ARHGEF11: variants seen among roughly 807,000 people sequenced by gnomAD.
ARHGEF11 encodes Rho guanine exchange factor (GEF) 11.
ARHGEF11 carries 55 observed loss-of-function variants against 193.7 expected under a neutral mutation model. The observed-to-expected ratio is 0.28, with a 90% CI of 0.23 to 0.36. ARHGEF11 has a LOEUF of 0.36. Ranked by LOEUF, ARHGEF11 falls within the 10% of genes least tolerant of loss-of-function variation. The pLI is 1.00. For missense variants in ARHGEF11, 1,723 were observed against 2,005.6 expected (o/e 0.86, Z 2.69); for synonymous variants, 693 against 768.0 (o/e 0.90, Z 1.62).
chr1:157,018,506 G>T (rs11264601), intron 1 of ARHGEF11, among the ~76,000 whole-genome samples: 7 of 151,944 alleles, frequency 4.6e-5, no homozygotes, highest in African/African-American at 1.7e-4. Context: ...TTAGCTGGGC[G>T]TGGTGTCGGG....
intron 34 of ARHGEF11, 124 bp downstream of exon 34, chr1:156,941,740 C>CAA (rs1657001892): frequency 7.1e-7 from 1 of 1,406,198 alleles, no homozygotes; most frequent in Non-Finnish European, 9.6e-7. Flanking sequence ...TTGGAGCTGT[C>CAA]TGCTCCCTGC....
intron 8 of ARHGEF11, 69 bp from the exon 9 acceptor site, chr1:156,970,112 A>G (rs1339425259): frequency 2.2e-6 from 3 of 1,392,704 alleles, no homozygotes; most frequent in Non-Finnish European, 3.0e-6. Context: ...TCTTTCACCA[A>G]TCAGTGCCTT....
intron 1 of ARHGEF11, among the ~76,000 whole-genome samples, chr1:157,039,213 T>C (rs1336511372): frequency 6.6e-6 from 1 of 152,192 alleles, no homozygotes; most frequent in Non-Finnish European, 1.5e-5. Context: ...CAATGATTTC[T>C]GAAAAACCAT....
At chr1:157,021,295 G>A (rs1334530153) in intron 1 of ARHGEF11, among the ~76,000 whole-genome samples, 1 of 152,174 alleles carries the variant, frequency 6.6e-6, no homozygotes, top group Non-Finnish European at 1.5e-5. Context: ...TATCAAGTAT[G>A]TGTCAAGTAT....
intron 1 of ARHGEF11, among the ~76,000 whole-genome samples, chr1:156,996,772 C>CAAAAAAAAAA (rs66730438): frequency 7.8e-5 from 3 of 38,642 alleles, no homozygotes; most frequent in Non-Finnish European, 1.1e-4. Context: ...GACTCTGTCT[C>CAAAAAAAAAA]AAAAAAAAAA....
intron 7 of ARHGEF11, among the ~76,000 whole-genome samples, chr1:156,972,928 G>A (rs947474692): frequency 2.0e-5 from 3 of 152,102 alleles, no homozygotes; most frequent in Non-Finnish European, 4.4e-5. Flanking sequence ...CCTACAAAAT[G>A]TTCGAGTTTC....
chr1:157,010,856 A>G (rs981624864), intron 1 of ARHGEF11, among the ~76,000 whole-genome samples: 3 of 152,238 alleles, frequency 2.0e-5, no homozygotes, highest in African/African-American at 7.2e-5. Context: ...AAAACTATAA[A>G]ATATCACGGA....
At chr1:156,941,324 C>T (rs772565519) in intron 35 of ARHGEF11, 48 bp downstream of exon 35, 1 of 1,600,384 alleles carries the variant, frequency 6.2e-7, no homozygotes, top group Non-Finnish European at 8.6e-7. Flanking sequence ...CCTGTGCCTA[C>T]AGAAAAAGGC....
At chr1:156,976,884 A>C in intron 7 of ARHGEF11, 99 bp downstream of exon 7, 1 of 1,073,984 alleles carries the variant, frequency 9.3e-7, no homozygotes, top group South Asian at 1.3e-5. Context: ...CTGTGATAGG[A>C]TATTGCCTGT....
At chr1:157,003,690 T>A (rs1372290910) in intron 1 of ARHGEF11, among the ~76,000 whole-genome samples, 1 of 152,226 alleles carries the variant, frequency 6.6e-6, no homozygotes, top group African/African-American at 2.4e-5. Flanking sequence ...GCTCTGAGTG[T>A]TTCCTGACAC....
At chr1:157,034,650 C>T (rs1186695678) in intron 1 of ARHGEF11, among the ~76,000 whole-genome samples, 2 of 152,156 alleles carry the variant, frequency 1.3e-5, no homozygotes, top group Non-Finnish European at 2.9e-5. Flanking sequence ...AGGGAGTATA[C>T]CGTGTCTAAA....
chr1:156,965,326 G>C (rs1661539056), intron 11 of ARHGEF11, among the ~76,000 whole-genome samples: 1 of 152,166 alleles, frequency 6.6e-6, no homozygotes, highest in Admixed American at 6.5e-5. Flanking sequence ...GTTCTACAAA[G>C]ATAGGGGTAT....
Position 156,958,852 on chromosome 1 carries a change from T to C in ARHGEF11, c.1392A>G (p.Thr464=). The part of the protein sequence containing the change: ...EQIHDYRTKR[T]LGLGSLYGEN... ...CACCATACAGGCTGCCCAGCCCCAG[T>C]GTGCGCTTCGTTCTAAGCCAGATAA... is the stretch of plus-strand genomic sequence containing the variant. Residue 464 remains threonine, a synonymous_variant, in exon 17 of 41, where the codon ACA becomes ACG. Coordinates refer to ENST00000368194, the MANE Select transcript of ARHGEF11 (RefSeq NM_198236.3). 1.2e-6 allele frequency: 2 copies of C among 1,614,200 alleles called. No individual in the cohort carries two copies. Among genetic ancestry groups the C allele is most frequent in the Non-Finnish European group, 1.7e-6 (2 of 1,180,036 alleles).
chr1:156,981,080 G>A (rs543709539), intron 3 of ARHGEF11, among the ~76,000 whole-genome samples: 2 of 152,018 alleles, frequency 1.3e-5, no homozygotes, highest in East Asian at 3.9e-4. Flanking sequence ...CCAAGCTGGA[G>A]TGCAGAGGCG....
upstream of ARHGEF11, among the ~76,000 whole-genome samples, chr1:157,046,857 C>A: frequency 6.6e-6 from 1 of 151,088 alleles, no homozygotes; most frequent in Middle Eastern, 3.4e-3. Flanking sequence ...ACTAAAAATA[C>A]AAAACTAGCC....
chr1:157,044,304 T>C lies in ARHGEF11; in HGVS notation c.27A>G (p.Ile9Met). 6.2e-7 allele frequency: 1 copy of C among 1,613,396 alleles called. No individual in the cohort carries two copies. Among genetic ancestry groups the C allele is most frequent in the South Asian group, 1.1e-5 (1 of 91,002 alleles). ...CAAATTATTAGCAAACCTACCTGTC[T>C]ATACTCTGGGGTAACCTTACACTCA... is the stretch of plus-strand genomic sequence containing the variant. MSVRLPQS[I>M]DRLSSLSSLG... The change falls in exon 1 of 41, where the codon ATA (isoleucine) becomes ATG (methionine). Residue 9 changes from isoleucine to methionine, a missense_variant. Ile to Met is a conservative substitution (Grantham distance 10, BLOSUM62 1). Transcript: ENST00000368194.
At chr1:156,949,637 G>A (rs1658774819) in intron 22 of ARHGEF11, among the ~76,000 whole-genome samples, 1 of 152,132 alleles carries the variant, frequency 6.6e-6, no homozygotes, top group Non-Finnish European at 1.5e-5. Flanking sequence ...CCAGAATTGT[G>A]TTAGAACAAT....
intron 1 of ARHGEF11, among the ~76,000 whole-genome samples, chr1:157,030,418 T>C (rs1325393191): frequency 3.9e-5 from 6 of 152,202 alleles, no homozygotes; most frequent in Admixed American, 6.5e-5. Context: ...GAGGGACTTA[T>C]CCTCTTCTTA....
chr1:157,024,745 A>C (rs534910702), intron 1 of ARHGEF11, among the ~76,000 whole-genome samples: 70 of 152,162 alleles, frequency 4.6e-4, no homozygotes, highest in Middle Eastern at 3.4e-3. Context: ...AAAAAAAAAA[A>C]CAGAAACCTA....
Sources: allele counts gnomAD v4.1 joint callset (sites outside exome capture counted in the v4.1 genomes callset), GRCh38; gene constraint gnomAD v4.1.1; transcripts MANE v1.5; gene names NCBI Gene and HGNC (gene_info 2026-07-23, HGNC 2026-07-21).